PCDHGA1: variants seen among roughly 807,000 people sequenced by gnomAD.
PCDHGA1 encodes the protein protocadherin gamma-A1.
In PCDHGA1, 32 loss-of-function variants were observed where a neutral mutation model predicts 58.0. The ratio of observed to expected loss-of-function variants is 0.55; its 90% CI spans 0.42 to 0.74. The LOEUF is 0.74. Ranked by LOEUF, PCDHGA1 falls within the 30% of genes least tolerant of loss-of-function variation. The pLI is 0.00. For missense variants in PCDHGA1, 1,205 were observed against 1,182.3 expected (o/e 1.02, Z -0.28); for synonymous variants, 498 against 501.1 (o/e 0.99, Z 0.08).
At chr5:141,376,228 A>G (rs762009445) in intron 1 of PCDHGA1, 17 of 1,613,956 alleles carry the variant, frequency 1.1e-5, no homozygotes, top group Admixed American at 3.3e-5. Context: ...TGGCGCTCAG[A>G]CTGCAGCGCT....
intron 2 of PCDHGA1, among the ~76,000 whole-genome samples, chr5:141,501,890 A>G (rs1046816316): frequency 6.6e-6 from 1 of 151,980 alleles, no homozygotes; most frequent in Non-Finnish European, 1.5e-5. Flanking sequence ...CCTGATCATC[A>G]TGGTTCCAAC....
rs1031624761 is a variant in PCDHGA1 at position 141,433,138 on chromosome 5, G to A, written c.2422-61669G>A. The A allele has an allele frequency of 2.5e-6, 4 of 1,614,038 alleles. No individual in the cohort carries two copies. In the Admixed American group the frequency reaches 6.7e-5, roughly 27 times the overall value. On this transcript the variant is annotated intron_variant, in intron 1 of 3. Coordinates refer to ENST00000517417, the MANE Select transcript of PCDHGA1 (RefSeq NM_018912.3). ...TTGAAAAAAGCGAGCCCCTTTTGCT[G>A]TCAGGTGATTCGGTATTTTCTAAAG...
At position 141,490,346 on chromosome 5, in the gene PCDHGA1, T is replaced by G. The variant is rs1396321935; in HGVS notation, c.2422-4461T>G. 1.2e-6 allele frequency: 2 copies of G among 1,614,046 alleles called. No individual in the cohort carries two copies. Among genetic ancestry groups the G allele is most frequent in the African/African-American group, 2.7e-5 (2 of 74,900 alleles). ...GAGAGCACACCAGTGGGCACAGTAG[T>G]GGGGTTGTTTAATGTGCGAGACCGG... On this transcript the variant is annotated intron_variant, in intron 1 of 3. Coordinates refer to ENST00000517417, the MANE Select transcript of PCDHGA1 (RefSeq NM_018912.3). This position sits in a 1 kb window ranked among gnomAD's most constrained non-coding sequence, Gnocchi z 5.4.
chr5:141,406,481 T>C (rs2094814987), intron 1 of PCDHGA1, among the ~76,000 whole-genome samples: 2 of 152,242 alleles, frequency 1.3e-5, no homozygotes, highest in Admixed American at 6.5e-5. Flanking sequence ...GGTTATATTT[T>C]TCAGATCACA....
chr5:141,490,544 A>G lies in PCDHGA1; in HGVS notation c.2422-4263A>G. 6.2e-7 allele frequency: 1 copy of G among 1,614,120 alleles called. No individual in the cohort carries two copies. Among genetic ancestry groups the G allele is most frequent in the Non-Finnish European group, 8.5e-7 (1 of 1,180,028 alleles). ...AGCGATGCTGGTTCACCTTCCCTAC[A>G]CAAACATCTCACCATCAGGCTCAAC... On this transcript the variant is annotated intron_variant, in intron 1 of 3. Transcript: ENST00000517417. This position sits in a 1 kb window ranked among gnomAD's most constrained non-coding sequence, Gnocchi z 5.4.
intron 1 of PCDHGA1, chr5:141,410,578 T>G: frequency 1.9e-6 from 3 of 1,610,984 alleles, no homozygotes; most frequent in Non-Finnish European, 2.5e-6. Context: ...TTCCACCTCA[T>G]GGTGGGGAGG....
At chr5:141,338,542 T>C (rs553842731) in intron 1 of PCDHGA1, among the ~76,000 whole-genome samples, 2 of 152,370 alleles carry the variant, frequency 1.3e-5, no homozygotes, top group African/African-American at 4.8e-5. Flanking sequence ...ATCATGTTCA[T>C]TTATACCATT....
At chr5:141,390,532 T>C (rs1413146925) in intron 1 of PCDHGA1, 1 of 531,632 alleles carries the variant, frequency 1.9e-6, no homozygotes, top group Admixed American at 3.5e-5. Context: ...GGTGTGGTTT[T>C]AACCACAAAG....
At position 141,431,335 on chromosome 5, in the gene PCDHGA1, C is replaced by A. The variant is rs747132346; in HGVS notation, c.2422-63472C>A. On this transcript the variant is annotated intron_variant, in intron 1 of 3. Transcript: ENST00000517417. This position sits in a 1 kb window ranked among gnomAD's most constrained non-coding sequence, Gnocchi z 4.8. ...ATGGAGCCGACGGTAGTAAGTACCCCGAATTGGTGCTGAAACGCGCCCTGG... is the reference window on the plus strand; with the variant it reads ...ATGGAGCCGACGGTAGTAAGTACCCAGAATTGGTGCTGAAACGCGCCCTGG... 11 of 1,613,944 alleles carry A rather than the reference C, an allele frequency of 6.8e-6. No homozygotes were observed. The Admixed American group carries it at 1.5e-4, about 22-fold the overall frequency.
chr5:141,478,415 C>T, intron 1 of PCDHGA1: 1 of 1,613,648 alleles, frequency 6.2e-7, no homozygotes, highest in Non-Finnish European at 8.5e-7. Flanking sequence ...CACGGACTCC[C>T]GCCGCAGCGA....
chr5:141,434,981 T>C (rs2097734526), intron 1 of PCDHGA1, among the ~76,000 whole-genome samples: 1 of 152,054 alleles, frequency 6.6e-6, no homozygotes. Flanking sequence ...GTTAATACTC[T>C]ATATCATTTT....
chr5:141,372,052 A>G (rs1768353245), intron 1 of PCDHGA1: 2 of 1,613,472 alleles, frequency 1.2e-6, no homozygotes. Context: ...GTGTTGGTGG[A>G]CGACCGCAAC....
intron 1 of PCDHGA1, among the ~76,000 whole-genome samples, chr5:141,435,790 A>G (rs1336963117): frequency 2.0e-5 from 3 of 152,168 alleles, no homozygotes; most frequent in African/African-American, 7.2e-5. Flanking sequence ...GCAGGGAAAC[A>G]TAACGTCCCA....
intron 1 of PCDHGA1, chr5:141,423,222 G>A (rs760308436): frequency 1.2e-6 from 2 of 1,613,688 alleles, no homozygotes; most frequent in Non-Finnish European, 1.7e-6. Context: ...CCGTGGCTGT[G>A]GCCGACAGCA....
intron 1 of PCDHGA1, among the ~76,000 whole-genome samples, chr5:141,347,139 C>CTTTCTTTCTTTCTTTCT (rs1757899271): frequency 1.1e-5 from 1 of 89,008 alleles, no homozygotes; most frequent in Admixed American, 1.1e-4. Context: ...CTGTTTCTCT[C>CTTTCTTTCTTTCTTTCT]TTTCTTTCTT....
chr5:141,452,951 G>T (rs1397204185), intron 1 of PCDHGA1, among the ~76,000 whole-genome samples: 13 of 152,154 alleles, frequency 8.5e-5, no homozygotes, highest in Admixed American at 8.5e-4. Context: ...GCAATTGGTT[G>T]TCTTTAAACT....
At chr5:141,466,556 T>C (rs1398776914) in intron 1 of PCDHGA1, among the ~76,000 whole-genome samples, 1 of 152,222 alleles carries the variant, frequency 6.6e-6, no homozygotes, top group Non-Finnish European at 1.5e-5. Context: ...TGCTGTGGGC[T>C]TCATCTTCAA....
intron 1 of PCDHGA1, chr5:141,413,694 C>G (rs2095667651): frequency 1.2e-6 from 2 of 1,613,800 alleles, no homozygotes; most frequent in East Asian, 4.5e-5. Context: ...CCCTGCAGAG[C>G]TATCAGCTCA....
intron 1 of PCDHGA1, chr5:141,355,845 C>G: frequency 6.2e-7 from 1 of 1,612,278 alleles, no homozygotes; most frequent in East Asian, 2.2e-5. Context: ...TCACGGCCTT[C>G]GATGGAGGTG....
Sources: gnomAD v4.1 joint callset for allele counts (sites outside exome capture counted in the v4.1 genomes callset) on GRCh38, gnomAD v4.1.1 for gene constraint, Gnocchi (gnomAD v3.1) non-coding constraint, MANE v1.5 for transcripts, NCBI Gene and HGNC (gene_info 2026-07-23, HGNC 2026-07-21) for gene names.